The following FAT3 variants were observed in gnomAD, a reference collection of about 807,000 sequenced individuals.
The protein encoded by FAT3 is FAT atypical cadherin 3.
In FAT3, 95 loss-of-function variants were observed where a neutral mutation model predicts 310.2. The ratio of observed to expected loss-of-function variants is 0.31; its 90% CI spans 0.26 to 0.36. The LOEUF is 0.36. Among genes scored for constraint, FAT3 ranks in the 10% least tolerant of loss-of-function variants. FAT3 has a pLI of 1.00. For synonymous variants in FAT3, 2,314 were observed against 2,192.9 expected (o/e 1.06, Z -1.54); for missense variants, 5,408 against 5,715.6 (o/e 0.95, Z 1.74).
intron 4 of FAT3, among the ~76,000 whole-genome samples, chr11:92,753,798 G>GTGTGTA: frequency 2.5e-5 from 3 of 119,182 alleles, no homozygotes; most frequent in African/African-American, 3.9e-5. Context: ...GTGTGTGTGT[G>GTGTGTA]TATATATATA....
intron 1 of FAT3, among the ~76,000 whole-genome samples, chr11:92,288,508 C>T (rs964910348): frequency 1.3e-5 from 2 of 152,094 alleles, no homozygotes; most frequent in African/African-American, 4.8e-5. Context: ...CATCTCCTGT[C>T]GTTTAACTCT....
intron 1 of FAT3, among the ~76,000 whole-genome samples, chr11:92,239,398 T>C (rs1864574565): frequency 6.6e-6 from 1 of 152,068 alleles, no homozygotes; most frequent in African/African-American, 2.4e-5. Context: ...AACTTGAGTG[T>C]GCACCTAGGA....
intron 2 of FAT3, among the ~76,000 whole-genome samples, chr11:92,390,901 A>G (rs181737643): frequency 6.6e-6 from 1 of 152,186 alleles, no homozygotes; most frequent in Non-Finnish European, 1.5e-5. Flanking sequence ...GTGGTTCTGG[A>G]TTGGGGCCAC....
intron 2 of FAT3, among the ~76,000 whole-genome samples, chr11:92,502,844 T>C (rs651262): frequency 0.49 from 74,955 of 151,804 alleles, 18,900 homozygotes; most frequent in East Asian, 0.61. Flanking sequence ...TCAAGATGTG[T>C]GGAATGATCA....
At chr11:92,364,665 G>A (rs1433379214) in intron 2 of FAT3, among the ~76,000 whole-genome samples, 2 of 152,192 alleles carry the variant, frequency 1.3e-5, no homozygotes, top group Non-Finnish European at 2.9e-5. Flanking sequence ...ATGTCTTATC[G>A]ACAGACAGAA....
At chr11:92,758,934 G>A (rs1258585727) in intron 4 of FAT3, among the ~76,000 whole-genome samples, 1 of 151,850 alleles carries the variant, frequency 6.6e-6, no homozygotes, top group Non-Finnish European at 1.5e-5. Flanking sequence ...AAAAGGAGGA[G>A]GTTTGAGGGT....
At chr11:92,684,430 T>C (rs886220901) in intron 3 of FAT3, among the ~76,000 whole-genome samples, 3 of 152,132 alleles carry the variant, frequency 2.0e-5, no homozygotes, top group African/African-American at 7.2e-5. Context: ...CAGTTGCAGC[T>C]CTTAATTTTA....
At chr11:92,770,369 CCT>C (rs1946428821) in intron 6 of FAT3, among the ~76,000 whole-genome samples, 1 of 152,122 alleles carries the variant, frequency 6.6e-6, no homozygotes, top group Admixed American at 6.5e-5. Flanking sequence ...CCTGGTGTCC[CCT>C]GTCTTCCAAG....
intron 2 of FAT3, among the ~76,000 whole-genome samples, chr11:92,408,349 T>A (rs980558644): frequency 6.6e-6 from 1 of 151,950 alleles, no homozygotes; most frequent in Non-Finnish European, 1.5e-5. Context: ...TTGGCAGGGG[T>A]GTAGGGAGGG....
intron 1 of FAT3, among the ~76,000 whole-genome samples, chr11:92,278,700 A>G (rs1946344297): frequency 6.6e-6 from 1 of 152,186 alleles, no homozygotes; most frequent in South Asian, 2.1e-4. Flanking sequence ...ACAAGTTGTG[A>G]GTCAATTCTT....
At chr11:92,432,865 G>T (rs1289785008) in intron 2 of FAT3, among the ~76,000 whole-genome samples, 2 of 152,186 alleles carry the variant, frequency 1.3e-5, no homozygotes, top group African/African-American at 4.8e-5. Context: ...CTCTGTCCCA[G>T]GGAGATAGGA....
intron 4 of FAT3, among the ~76,000 whole-genome samples, chr11:92,742,379 C>G (rs1479719712): frequency 1.3e-5 from 2 of 152,154 alleles, no homozygotes; most frequent in Non-Finnish European, 2.9e-5. Context: ...CAGCAAGGGC[C>G]TTGGAAGTAT....
intron 3 of FAT3, among the ~76,000 whole-genome samples, chr11:92,627,894 C>A (rs1941395571): frequency 6.6e-6 from 1 of 152,156 alleles, no homozygotes; most frequent in Admixed American, 6.5e-5. Flanking sequence ...TGTGAGTGAG[C>A]AAGGCTGTGC....
intron 1 of FAT3, among the ~76,000 whole-genome samples, chr11:92,269,200 C>T (rs984293968): frequency 1.3e-5 from 2 of 152,050 alleles, no homozygotes; most frequent in Non-Finnish European, 2.9e-5. Context: ...TATGATATGA[C>T]TCGCAATGTT....
At chr11:92,582,799 A>G (rs1391442015) in intron 3 of FAT3, among the ~76,000 whole-genome samples, 1 of 152,022 alleles carries the variant, frequency 6.6e-6, no homozygotes, top group Admixed American at 6.6e-5. Flanking sequence ...TGCTGCTCCT[A>G]AGATAAAAGT....
At chr11:92,660,277 G>C (rs1942736721) in intron 3 of FAT3, among the ~76,000 whole-genome samples, 1 of 151,968 alleles carries the variant, frequency 6.6e-6, no homozygotes, top group African/African-American at 2.4e-5. Flanking sequence ...GGACAAGGTG[G>C]GGGTGGGGAG....
chr11:92,672,580 T>A (rs4515924), intron 3 of FAT3, among the ~76,000 whole-genome samples: 1,738 of 152,210 alleles, frequency 0.011, 29 homozygotes, highest in African/African-American at 0.04. Flanking sequence ...GCCAAAAAAA[T>A]ATATCAGTCA....
chr11:92,732,142 C>G (rs1358937190), intron 4 of FAT3, among the ~76,000 whole-genome samples: 1 of 152,092 alleles, frequency 6.6e-6, no homozygotes, highest in Non-Finnish European at 1.5e-5. Flanking sequence ...CTAATTGTTT[C>G]TTACGCTAGG....
chr11:92,345,537 C>T (rs775723407), intron 1 of FAT3, among the ~76,000 whole-genome samples: 3 of 152,100 alleles, frequency 2.0e-5, no homozygotes, highest in Non-Finnish European at 4.4e-5. Context: ...TGCAGTGGTA[C>T]CCCCAAATCT....
Sources: gnomAD v4.1 joint callset for allele counts (sites outside exome capture counted in the v4.1 genomes callset) on GRCh38, gnomAD v4.1.1 for gene constraint, MANE v1.5 for transcripts, NCBI Gene and HGNC (gene_info 2026-07-23, HGNC 2026-07-21) for gene names.